Variants in DIP2B observed in about 807,000 individuals in gnomAD.
DIP2B encodes DIP2 acetate--CoA ligase B (putative), also known as disco-interacting protein 2 homolog B.
A neutral mutation model predicts 198.0 loss-of-function variants in DIP2B; 76 were observed. The observed-to-expected ratio is 0.38, with a 90% CI of 0.32 to 0.46. DIP2B has a LOEUF of 0.46. Ranked by LOEUF, DIP2B falls within the 20% of genes least tolerant of loss-of-function variation. The pLI, the probability that DIP2B is intolerant of heterozygous loss-of-function variation, is 0.99. For synonymous variants in DIP2B, 701 were observed against 739.1 expected, an observed-to-expected ratio of 0.95 and a Z score of 0.84; for missense variants, 1,559 against 1,978.4, an observed-to-expected ratio of 0.79 and a Z score of 4.02.
At chr12:50,538,863 A>G (rs1426658369) in intron 1 of DIP2B, among the ~76,000 whole-genome samples, 1 of 152,172 alleles carries the variant, frequency 6.6e-6, no homozygotes, top group African/African-American at 2.4e-5. Flanking sequence ...TTCAAAGAGA[A>G]TGGCCCAATC....
chr12:50,697,970 T>C (rs1939347843), intron 17 of DIP2B, among the ~76,000 whole-genome samples: 1 of 152,032 alleles, frequency 6.6e-6, no homozygotes, highest in African/African-American at 2.4e-5. Context: ...GACACGATCA[T>C]TGTAGCCTCA....
intron 23 of DIP2B, 151 bp downstream of exon 23, chr12:50,714,747 C>G (rs1939682811): frequency 1.1e-6 from 1 of 881,360 alleles, no homozygotes; most frequent in Non-Finnish European, 1.7e-6. Flanking sequence ...CGAAAACAGC[C>G]TGGGCGACAT....
At chr12:50,635,545 A>G (rs1157918867) in intron 2 of DIP2B, among the ~76,000 whole-genome samples, 1 of 152,164 alleles carries the variant, frequency 6.6e-6, no homozygotes, top group Non-Finnish European at 1.5e-5. Context: ...AGTTCCTATA[A>G]GTACACTGCA....
At chr12:50,637,208 A>G (rs1174403493) in intron 2 of DIP2B, among the ~76,000 whole-genome samples, 2 of 152,218 alleles carry the variant, frequency 1.3e-5, no homozygotes, top group Non-Finnish European at 2.9e-5. Flanking sequence ...TTGTGAAGAC[A>G]TAATGAGATG....
At chr12:50,610,050 T>A (rs1288386554) in intron 1 of DIP2B, among the ~76,000 whole-genome samples, 1 of 152,224 alleles carries the variant, frequency 6.6e-6, no homozygotes, top group Non-Finnish European at 1.5e-5. Context: ...GATACAGCTA[T>A]AACACCTAAA....
chr12:50,652,129 T>G (rs1349852126), intron 3 of DIP2B, among the ~76,000 whole-genome samples: 1 of 151,718 alleles, frequency 6.6e-6, no homozygotes, highest in African/African-American at 2.4e-5. Flanking sequence ...CTGACCAACA[T>G]GGTGAAACCC....
At position 50,745,364 on chromosome 12, in the gene DIP2B, C is replaced by T. The variant is rs1940327593; in HGVS notation, c.*525C>T. 6.4e-6 allele frequency: 1 copy of T among 156,466 alleles called. No individual in the cohort carries two copies. The allele number at this position is 156,466 out of a possible 1,614,324, so 9.7% of individuals were successfully genotyped here. A position where few individuals can be genotyped will look rare whatever the true frequency, so the allele number is the denominator to read the frequency against. ...ATTACTTTATATAGATAATTCTTGA[C>T]TGTAAAACATTTTGACCAGTGTTTT... is the stretch of plus-strand genomic sequence containing the variant. On this transcript the variant is annotated 3_prime_UTR_variant, in exon 38 of 38. Coordinates refer to ENST00000301180, the MANE Select transcript of DIP2B (RefSeq NM_173602.3).
At chr12:50,680,868 A>G (rs1939028689) in intron 9 of DIP2B, 105 bp downstream of exon 9, 1 of 1,080,360 alleles carries the variant, frequency 9.3e-7, no homozygotes, top group African/African-American at 1.6e-5. Context: ...AAATTTATGT[A>G]ACTCTTATTT....
intron 1 of DIP2B, among the ~76,000 whole-genome samples, chr12:50,526,833 A>G (rs1958170555): frequency 6.6e-6 from 1 of 151,854 alleles, no homozygotes; most frequent in Non-Finnish European, 1.5e-5. Flanking sequence ...ACAGGGTTTC[A>G]CCATGTTGGC....
rs766747649 is a variant in DIP2B, at chr12:50,746,918, G to A, written c.*2079G>A. 6.6e-6 allele frequency: 1 copy of A among 152,108 alleles called. No individual in the cohort carries two copies. The highest frequency in any genetic ancestry group is 1.5e-5 in the Non-Finnish European group (1 of 68,028). The allele number at this position is 152,108 out of a possible 1,614,324, so 9.4% of individuals were successfully genotyped here. A position where few individuals can be genotyped will look rare whatever the true frequency, so the allele number is the denominator to read the frequency against. The stretch of plus-strand genomic sequence containing the variant: ...TCTTACTAACACAGATTAGGGTATA[G>A]GCATCTAGAGATGCACTGTCCACTG... On this transcript the variant is annotated 3_prime_UTR_variant, in exon 38 of 38. Coordinates refer to ENST00000301180, the MANE Select transcript of DIP2B (RefSeq NM_173602.3).
At position 50,729,435 on chromosome 12, in the gene DIP2B, T is replaced by C. The variant is rs143681661; in HGVS notation, c.3641+757T>C. On this transcript the variant is annotated intron_variant, in intron 30 of 37. Transcript: ENST00000301180. ...AATTAATGGGACTCCCCAAGACTTA[T>C]TAACCTTCATCTCCAGAGGTGGAGA... Among the ~76,000 whole-genome samples, 215 of 152,348 alleles carry C rather than the reference T, an allele frequency of 1.4e-3. 1 individual carries two copies. Among genetic ancestry groups the C allele is most frequent in the East Asian group, 0.01 (53 of 5,180 alleles).
intron 8 of DIP2B, chr12:50,680,091 T>C (rs1000511446): frequency 6.6e-6 from 1 of 152,072 alleles, no homozygotes; most frequent in African/African-American, 2.4e-5. Flanking sequence ...AAACCTCATC[T>C]CTATTAAAAA....
chr12:50,714,471 T>C lies in DIP2B; in HGVS notation c.2726T>C (p.Leu909Pro). 1 of 1,614,216 alleles carries C rather than the reference T, an allele frequency of 6.2e-7. No homozygotes were observed. The highest frequency in any genetic ancestry group is 8.5e-7 in the Non-Finnish European group (1 of 1,180,040). The stretch of plus-strand genomic sequence containing the variant: ...GCCAATACATTGCCAAAAACTCCAC[T>C]AGGAGGAATCCATATATCTCAGACG... ...VPANTLPKTP[L>P]GGIHISQTKQ... The change falls in exon 23 of 38, where the codon CTA (leucine) becomes CCA (proline). Residue 909 changes from leucine to proline, a missense_variant. Transcript: ENST00000301180.
In DIP2B at chr12:50,671,296, C is replaced by A; in HGVS notation, c.538C>A (p.Gln180Lys). The A allele has an allele frequency of 6.2e-7, 1 of 1,614,146 alleles. No homozygotes were observed. The highest frequency in any genetic ancestry group is 8.5e-7 in the Non-Finnish European group (1 of 1,180,010). The stretch of plus-strand genomic sequence containing the variant: ...TGAGTCCTGGATCAACCGTTCAATT[C>A]AGGGATCGTCCACTTCTTCATCCGC... ...NAESWINRSIQGSSTSSSASS... is the reference protein window; with the variant it reads ...NAESWINRSIKGSSTSSSASS... Residue 180 changes from glutamine (Q) to lysine (K), a missense_variant, in exon 5 of 38, where the codon CAG (glutamine) becomes AAG (lysine). By Grantham distance (53) the Gln-to-Lys change is moderately conservative. Coordinates refer to ENST00000301180, the MANE Select transcript of DIP2B (RefSeq NM_173602.3).
chr12:50,520,738 C>T (rs1015779785), intron 1 of DIP2B, among the ~76,000 whole-genome samples: 1 of 152,168 alleles, frequency 6.6e-6, no homozygotes, highest in East Asian at 1.9e-4. Context: ...ATTCTCATCT[C>T]CCCTAAGTAA....
intron 1 of DIP2B, among the ~76,000 whole-genome samples, chr12:50,531,338 G>A (rs1958215549): frequency 1.3e-5 from 2 of 152,194 alleles, no homozygotes; most frequent in Non-Finnish European, 2.9e-5. Flanking sequence ...GTGAGCCGCT[G>A]CACCCAGCCA....
intron 1 of DIP2B, among the ~76,000 whole-genome samples, chr12:50,569,120 T>C (rs1958592308): frequency 6.6e-6 from 1 of 152,036 alleles, no homozygotes; most frequent in African/African-American, 2.4e-5. Flanking sequence ...ACAGCTCTTT[T>C]TAATGCATGG....
chr12:50,563,736 G>A (rs932637220), intron 1 of DIP2B, among the ~76,000 whole-genome samples: 2 of 151,506 alleles, frequency 1.3e-5, no homozygotes, highest in Non-Finnish European at 2.9e-5. Context: ...GCTCAAGCAA[G>A]CCTGCCACCT....
chr12:50,553,520 T>A (rs910864193), intron 1 of DIP2B, among the ~76,000 whole-genome samples: 1 of 152,222 alleles, frequency 6.6e-6, no homozygotes, highest in African/African-American at 2.4e-5. Context: ...CCAGGTGTTA[T>A]AAGGTACGAC....
Sources: gnomAD v4.1 joint callset for allele counts (sites outside exome capture counted in the v4.1 genomes callset) on GRCh38, gnomAD v4.1.1 for gene constraint, MANE v1.5 for transcripts, NCBI Gene and HGNC (gene_info 2026-07-23, HGNC 2026-07-21) for gene names.